CCDC171: variants seen among roughly 807,000 people sequenced by gnomAD.
CCDC171 encodes coiled-coil domain containing 171.
CCDC171 carries 177 observed loss-of-function variants against 168.2 expected under a neutral mutation model. That is an observed-to-expected ratio of 1.05 (90% confidence interval 0.93 to 1.19). The LOEUF (loss-of-function observed/expected upper bound fraction) is 1.19, where lower values mean the gene tolerates loss of function less well. Among genes scored for constraint, CCDC171 ranks in the 50% most tolerant of loss-of-function variants. CCDC171 has a pLI of 0.00. For synonymous variants in CCDC171, 687 were observed against 540.8 expected (o/e 1.27, Z -3.75); for missense variants, 1,991 against 1,539.0 (o/e 1.29, Z -4.91).
intron 24 of CCDC171, among the ~76,000 whole-genome samples, chr9:15,906,189 C>G (rs923851058): frequency 6.6e-6 from 1 of 152,158 alleles, no homozygotes; most frequent in South Asian, 2.1e-4. Flanking sequence ...CAGCATCATC[C>G]TGATACCAAA....
intron 8 of CCDC171, among the ~76,000 whole-genome samples, chr9:15,660,891 C>T (rs1317217206): frequency 6.6e-6 from 1 of 152,178 alleles, no homozygotes; most frequent in Non-Finnish European, 1.5e-5. Flanking sequence ...TTTGAGAAAT[C>T]TCCACTCCAC....
intron 6 of CCDC171, among the ~76,000 whole-genome samples, chr9:16,027,421 C>T (rs1454340786): frequency 6.6e-6 from 1 of 152,136 alleles, no homozygotes; most frequent in Non-Finnish European, 1.5e-5. Context: ...TGGAGGGCGT[C>T]TCCACCACTC....
chr9:15,728,616 C>G (rs189401434), intron 15 of CCDC171, among the ~76,000 whole-genome samples: 3 of 152,198 alleles, frequency 2.0e-5, no homozygotes, highest in East Asian at 3.9e-4. Context: ...GGTAACATTA[C>G]TATCTCACAA....
chr9:15,998,972 A>T (rs899946536), intron 3 of CCDC171, among the ~76,000 whole-genome samples: 3 of 152,132 alleles, frequency 2.0e-5, no homozygotes, highest in Non-Finnish European at 4.4e-5. Context: ...AAAAAATCTA[A>T]ATTTTATTTT....
chr9:15,993,413 C>T (rs568990658), intron 3 of CCDC171, among the ~76,000 whole-genome samples: 98 of 152,246 alleles, frequency 6.4e-4, no homozygotes, highest in African/African-American at 2.3e-3. Flanking sequence ...GAAACTGGAT[C>T]CCTTCCTTAC....
At chr9:15,895,844 C>G (rs1027655239) in intron 24 of CCDC171, among the ~76,000 whole-genome samples, 1 of 151,960 alleles carries the variant, frequency 6.6e-6, no homozygotes, top group Non-Finnish European at 1.5e-5. Context: ...TTTCAGGCTG[C>G]TTAAATTTCT....
intron 18 of CCDC171, among the ~76,000 whole-genome samples, chr9:15,752,710 G>A (rs1386320137): frequency 6.6e-6 from 1 of 152,150 alleles, no homozygotes; most frequent in Non-Finnish European, 1.5e-5. Flanking sequence ...CACGGACACA[G>A]GGAGGAGAAC....
chr9:15,985,196 A>G (rs1346071513), intron 3 of CCDC171, among the ~76,000 whole-genome samples: 1 of 152,146 alleles, frequency 6.6e-6, no homozygotes, highest in Non-Finnish European at 1.5e-5. Flanking sequence ...AGGCTCCATA[A>G]TTATGTGGCA....
At chr9:15,809,126 A>G (rs1281989428) in intron 21 of CCDC171, among the ~76,000 whole-genome samples, 1 of 152,180 alleles carries the variant, frequency 6.6e-6, no homozygotes, top group African/African-American at 2.4e-5. Context: ...GGATTTCAAC[A>G]TAAAAATTTT....
At chr9:15,936,197 C>T (rs985188086) in intron 25 of CCDC171, among the ~76,000 whole-genome samples, 1 of 151,994 alleles carries the variant, frequency 6.6e-6, no homozygotes, top group Non-Finnish European at 1.5e-5. Context: ...GAAGCCAAGC[C>T]ACTGCCTTCT....
intron 18 of CCDC171, among the ~76,000 whole-genome samples, chr9:15,763,052 C>A (rs967906189): frequency 3.9e-5 from 6 of 152,142 alleles, no homozygotes; most frequent in African/African-American, 1.4e-4. Flanking sequence ...TCAGGTTGGA[C>A]AGTTTTCTAG....
At chr9:15,909,049 A>C (rs1823201899) in intron 24 of CCDC171, among the ~76,000 whole-genome samples, 1 of 152,216 alleles carries the variant, frequency 6.6e-6, no homozygotes, top group African/African-American at 2.4e-5. Flanking sequence ...GGGAATCAGA[A>C]GTACGACTCC....
intron 18 of CCDC171, among the ~76,000 whole-genome samples, chr9:15,757,526 G>T (rs997438076): frequency 2.6e-5 from 4 of 152,198 alleles, no homozygotes; most frequent in Admixed American, 6.5e-5. Context: ...AGAATGTGCA[G>T]CCTGACAATG....
chr9:15,778,999 T>C lies in CCDC171; in HGVS notation c.2930T>C (p.Leu977Pro). 1 of 1,546,216 alleles carries C rather than the reference T, an allele frequency of 6.5e-7. No individual in the cohort carries two copies. Among genetic ancestry groups the C allele is most frequent in the Non-Finnish European group, 8.7e-7 (1 of 1,149,122 alleles). ...KSTASLQKQI[L>P]GFTQRLHAAE... The stretch of plus-strand genomic sequence containing the variant: ...ACAGCATCGTTGCAGAAGCAAATAC[T>C]TGGATTTACACAAAGACTGCATGCT... The change falls in exon 20 of 26, where the codon CTT becomes CCT. Residue 977 changes from leucine to proline, a missense_variant. Transcript: ENST00000380701.
intron 21 of CCDC171, among the ~76,000 whole-genome samples, chr9:15,838,367 C>G (rs911940978): frequency 1.3e-5 from 2 of 152,104 alleles, no homozygotes; most frequent in African/African-American, 4.8e-5. Flanking sequence ...GATGATATAG[C>G]CAGAATGACC....
At chr9:15,810,899 G>A (rs1019174571) in intron 21 of CCDC171, among the ~76,000 whole-genome samples, 6 of 152,252 alleles carry the variant, frequency 3.9e-5, no homozygotes, top group East Asian at 1.9e-4. Context: ...CAGAGCAGAC[G>A]CTGAGGCCGA....
At chr9:15,862,311 C>T (rs1201131263) in intron 23 of CCDC171, among the ~76,000 whole-genome samples, 1 of 151,044 alleles carries the variant, frequency 6.6e-6, no homozygotes, top group Non-Finnish European at 1.5e-5. Context: ...TCAAGTTCAC[C>T]AATTTTTTTT....
chr9:15,960,913 A>G (rs1205463233), intron 25 of CCDC171, among the ~76,000 whole-genome samples: 2 of 152,198 alleles, frequency 1.3e-5, no homozygotes, highest in Non-Finnish European at 2.9e-5. Flanking sequence ...AAATAAAGGC[A>G]GCTTGCAGCA....
chr9:15,838,342 G>A (rs556235686), intron 21 of CCDC171, among the ~76,000 whole-genome samples: 2 of 152,150 alleles, frequency 1.3e-5, no homozygotes, highest in East Asian at 3.9e-4. Flanking sequence ...TCTTCTGAAG[G>A]TTTAAATGAG....
Sources: gnomAD v4.1 joint callset for allele counts (sites outside exome capture counted in the v4.1 genomes callset) on GRCh38, gnomAD v4.1.1 for gene constraint, MANE v1.5 for transcripts, NCBI Gene and HGNC (gene_info 2026-07-23, HGNC 2026-07-21) for gene names.